Variants in TCF7L2 observed in about 807,000 individuals in gnomAD.
The protein encoded by TCF7L2 is transcription factor 7-like 2.
In TCF7L2, 23 loss-of-function variants were observed where a neutral mutation model predicts 77.9. The observed-to-expected ratio is 0.30, with a 90% confidence interval of 0.21 to 0.42. The LOEUF (loss-of-function observed/expected upper bound fraction) is 0.42, where lower values mean the gene tolerates loss of function less well. Ranked by LOEUF, TCF7L2 falls within the 10% of genes least tolerant of loss-of-function variation. The pLI is 1.00. For missense variants in TCF7L2, 654 were observed against 793.1 expected (o/e 0.82, Z 2.11); for synonymous variants, 413 against 340.2 (o/e 1.21, Z -2.36).
intron 5 of TCF7L2, among the ~76,000 whole-genome samples, chr10:113,042,045 G>A (rs1310369362): frequency 6.6e-6 from 1 of 152,166 alleles, no homozygotes; most frequent in Non-Finnish European, 1.5e-5. Context: ...GTACCCCCGT[G>A]TAAAGGAGTG....
chr10:113,160,469 GTCCTT>G (rs2072984318), intron 12 of TCF7L2: 12 of 536,062 alleles, frequency 2.2e-5, no homozygotes, highest in Admixed American at 4.0e-5. Flanking sequence ...GCTCATAGAA[GTCCTT>G]TCCTTTCATG....
At chr10:113,139,494 G>C (rs1304483245) in intron 5 of TCF7L2, among the ~76,000 whole-genome samples, 1 of 152,192 alleles carries the variant, frequency 6.6e-6, no homozygotes, top group Non-Finnish European at 1.5e-5. Flanking sequence ...GGTTTCCAAA[G>C]CTCCATCTGC....
intron 5 of TCF7L2, among the ~76,000 whole-genome samples, chr10:113,110,301 T>G (rs2062952925): frequency 6.6e-6 from 1 of 152,092 alleles, no homozygotes. Context: ...AAAAGTCAAT[T>G]GTAGAAACTG....
At chr10:113,130,752 A>ATT (rs1555105365) in intron 5 of TCF7L2, among the ~76,000 whole-genome samples, 1 of 148,868 alleles carries the variant, frequency 6.7e-6, no homozygotes, top group Non-Finnish European at 1.5e-5. Context: ...CTTTTTAAAA[A>ATT]ATTATTATTA....
intron 4 of TCF7L2, among the ~76,000 whole-genome samples, chr10:112,989,069 C>T (rs1056772744): frequency 6.6e-6 from 1 of 152,120 alleles, no homozygotes; most frequent in African/African-American, 2.4e-5. Flanking sequence ...GGAGAGGCAG[C>T]TGCTGGGAGT....
chr10:113,054,233 C>T (rs528748012), intron 5 of TCF7L2, among the ~76,000 whole-genome samples: 55 of 152,240 alleles, frequency 3.6e-4, no homozygotes, highest in Admixed American at 2.6e-3. Flanking sequence ...TCCTTTTATA[C>T]CATGTGTGTC....
intron 4 of TCF7L2, among the ~76,000 whole-genome samples, chr10:112,970,230 A>T (rs1055599789): frequency 1.3e-5 from 2 of 152,066 alleles, no homozygotes; most frequent in Admixed American, 6.5e-5. Context: ...CTAGGAGAGG[A>T]TCCAGAAGAA....
intron 13 of TCF7L2, chr10:113,161,730 C>G (rs140068563): frequency 4.0e-6 from 4 of 993,710 alleles, no homozygotes; most frequent in Non-Finnish European, 6.0e-6. Context: ...CATCCCATTA[C>G]GTGCATGCCC....
chr10:113,056,948 C>T (rs900429039), intron 5 of TCF7L2, among the ~76,000 whole-genome samples: 3 of 152,176 alleles, frequency 2.0e-5, no homozygotes, highest in Non-Finnish European at 1.5e-5. Context: ...CTGCGTTTTC[C>T]AGGAAGCGTG....
chr10:112,970,835 A>G (rs373729751), intron 4 of TCF7L2, among the ~76,000 whole-genome samples: 3 of 152,300 alleles, frequency 2.0e-5, no homozygotes, highest in African/African-American at 7.2e-5. Context: ...ACTCCTGGAA[A>G]CAGGTTCAGC....
At chr10:113,039,527 C>CAGCT (rs1390732138) in intron 4 of TCF7L2, among the ~76,000 whole-genome samples, 1 of 152,162 alleles carries the variant, frequency 6.6e-6, no homozygotes, top group Non-Finnish European at 1.5e-5. Context: ...ACCTAAAGGA[C>CAGCT]AGCTGCTCAT....
intron 5 of TCF7L2, among the ~76,000 whole-genome samples, chr10:113,081,219 A>G (rs547058715): frequency 4.6e-5 from 7 of 152,338 alleles, no homozygotes; most frequent in African/African-American, 1.4e-4. Context: ...AGGATTACCT[A>G]GTACACATCA....
intron 4 of TCF7L2, among the ~76,000 whole-genome samples, chr10:112,972,036 T>G (rs1375952510): frequency 6.6e-6 from 1 of 152,084 alleles, no homozygotes; most frequent in African/African-American, 2.4e-5. Context: ...TTCTCCTGCT[T>G]TAGCCTCCCG....
chr10:113,022,083 A>G (rs1422856713), intron 4 of TCF7L2, among the ~76,000 whole-genome samples: 1 of 152,212 alleles, frequency 6.6e-6, no homozygotes, highest in African/African-American at 2.4e-5. Context: ...GCCTTAGAGA[A>G]GTGACAGGTT....
At chr10:113,129,451 A>T in intron 5 of TCF7L2, 4 of 1,011,002 alleles carry the variant, frequency 4.0e-6, no homozygotes, top group Non-Finnish European at 4.7e-6. Context: ...TCCTTCACGG[A>T]TTCTGTAGTG....
chr10:113,032,514 T>A (rs1293653895), intron 4 of TCF7L2, among the ~76,000 whole-genome samples: 2 of 152,188 alleles, frequency 1.3e-5, no homozygotes, highest in Admixed American at 6.5e-5. Context: ...TGCTGGAAAG[T>A]CTTGCTTATT....
At chr10:113,062,462 A>G (rs1207593073) in intron 5 of TCF7L2, among the ~76,000 whole-genome samples, 5 of 152,196 alleles carry the variant, frequency 3.3e-5, no homozygotes, top group African/African-American at 1.2e-4. Flanking sequence ...AACAGAAGTT[A>G]ATGTTTTCCT....
intron 5 of TCF7L2, among the ~76,000 whole-genome samples, chr10:113,070,269 T>TATA (rs370805048): frequency 4.0e-5 from 5 of 124,118 alleles, no homozygotes; most frequent in South Asian, 5.6e-4. Context: ...AAAAAAAAAT[T>TATA]TATATATATA....
chr10:113,126,106 G>A (rs890969245), intron 5 of TCF7L2: 3 of 146,688 alleles, frequency 2.0e-5, no homozygotes, highest in Non-Finnish European at 4.6e-5. Flanking sequence ...AGTTTCGGTA[G>A]GTTTTGTTTT....
Sources: gnomAD v4.1 joint callset for allele counts (sites outside exome capture counted in the v4.1 genomes callset) on GRCh38, gnomAD v4.1.1 for gene constraint, MANE v1.5 for transcripts, NCBI Gene and HGNC (gene_info 2026-07-23, HGNC 2026-07-21) for gene names.